VAT1L: variants seen among roughly 807,000 people sequenced by gnomAD.
VAT1L encodes putative NADPH-dependent quinone oxidoreductase VAT1L.
A neutral mutation model predicts 44.1 loss-of-function variants in VAT1L; 34 were observed. That is an observed-to-expected ratio of 0.77 (90% CI 0.59 to 1.03). The LOEUF is 1.03. Among genes scored for constraint, VAT1L ranks in the 50% least tolerant of loss-of-function variants. The pLI is 0.00. For synonymous variants in VAT1L, 253 were observed against 202.2 expected (o/e 1.25, Z -2.13); for missense variants, 615 against 538.8 (o/e 1.14, Z -1.40).
chr16:77,936,775 A>G (rs942814069), intron 7 of VAT1L, among the ~76,000 whole-genome samples: 8 of 152,180 alleles, frequency 5.3e-5, no homozygotes, highest in Non-Finnish European at 1.0e-4. Context: ...GAGGAGAGGA[A>G]GGAGAGGGAG....
chr16:77,892,993 C>T (rs539627349), intron 7 of VAT1L: 45 of 658,212 alleles, frequency 6.8e-5, no homozygotes, highest in Middle Eastern at 4.4e-4. Flanking sequence ...ATCCCATTTG[C>T]TCGCAGTATC....
chr16:77,864,097 C>G (rs2016944528), intron 4 of VAT1L, among the ~76,000 whole-genome samples: 1 of 152,060 alleles, frequency 6.6e-6, no homozygotes, highest in Non-Finnish European at 1.5e-5. Flanking sequence ...AGATGGAAAC[C>G]CAGCTGCCAT....
At chr16:77,794,131 A>G (rs976846205) in intron 1 of VAT1L, among the ~76,000 whole-genome samples, 4 of 152,208 alleles carry the variant, frequency 2.6e-5, no homozygotes, top group African/African-American at 9.6e-5. Flanking sequence ...CATAAAAGAG[A>G]AAGAGACAGA....
intron 1 of VAT1L, chr16:77,800,890 G>GCGATCT (rs2016036065): frequency 1.3e-5 from 2 of 152,136 alleles, no homozygotes; most frequent in Admixed American, 1.3e-4. Flanking sequence ...GCCCACTGGT[G>GCGATCT]CGATCTCGGT....
chr16:77,924,880 A>G (rs2017649537), intron 7 of VAT1L, among the ~76,000 whole-genome samples: 1 of 152,202 alleles, frequency 6.6e-6, no homozygotes, highest in South Asian at 2.1e-4. Flanking sequence ...CCCTGGGTAG[A>G]GAGATAGCCA....
intron 3 of VAT1L, among the ~76,000 whole-genome samples, chr16:77,830,259 T>G (rs1265852346): frequency 6.6e-6 from 1 of 152,226 alleles, no homozygotes; most frequent in African/African-American, 2.4e-5. Flanking sequence ...TTTCATATGC[T>G]GTTTTTTTCT....
intron 4 of VAT1L, among the ~76,000 whole-genome samples, chr16:77,869,108 G>A (rs1286535551): frequency 6.6e-6 from 1 of 152,146 alleles, no homozygotes; most frequent in Non-Finnish European, 1.5e-5. Flanking sequence ...TGAGAGAAGA[G>A]ATCTCCAAAA....
intron 1 of VAT1L, among the ~76,000 whole-genome samples, chr16:77,792,680 C>G (rs2015855866): frequency 6.6e-6 from 1 of 152,154 alleles, no homozygotes; most frequent in African/African-American, 2.4e-5. Context: ...GAGCATCCAA[C>G]ACTTCCAGCA....
chr16:77,909,688 C>G (rs892211247), intron 7 of VAT1L, among the ~76,000 whole-genome samples: 1 of 150,830 alleles, frequency 6.6e-6, no homozygotes, highest in African/African-American at 2.4e-5. Context: ...GTGCTGAGCA[C>G]TCTGCCTGTA....
rs56055464 is a variant in VAT1L, at chr16:77,945,278, C to CTTTTTTTTTTTTTTTTTTTTTTTTT, written c.1078-26556_1078-26555insTTTTTTTTTTTTTTTTTTTTTTTTT. On this transcript the variant is annotated intron_variant, in intron 7 of 8. Coordinates refer to ENST00000302536, the MANE Select transcript of VAT1L (RefSeq NM_020927.3). ...GAATGGCCAATTCCAGATTGCAGAA[C>CTTTTTTTTTTTTTTTTTTTTTTTTT]TTTTTTTTTTTTTTTTGAGAGAGAG... Among the ~76,000 whole-genome samples, 2 of 83,030 alleles carry CTTTTTTTTTTTTTTTTTTTTTTTTT rather than the reference C, an allele frequency of 2.4e-5. 1 individual carries two copies. Among genetic ancestry groups the CTTTTTTTTTTTTTTTTTTTTTTTTT allele is most frequent in the Non-Finnish European group, 4.4e-5 (2 of 45,744 alleles). The allele number at this position is 83,030 out of a possible 152,430, so 54.5% of individuals were successfully genotyped here. A position where few individuals can be genotyped will look rare whatever the true frequency, so the allele number is the denominator to read the frequency against.
chr16:77,944,967 G>A (rs2017941784), intron 7 of VAT1L, among the ~76,000 whole-genome samples: 1 of 152,096 alleles, frequency 6.6e-6, no homozygotes, highest in Non-Finnish European at 1.5e-5. Flanking sequence ...CTTCATCCAT[G>A]GGATAATTTC....
intron 3 of VAT1L, among the ~76,000 whole-genome samples, chr16:77,851,543 T>C (rs1055761101): frequency 6.6e-6 from 1 of 152,050 alleles, no homozygotes; most frequent in African/African-American, 2.4e-5. Flanking sequence ...GTTCCAGCTA[T>C]ATGAGAGGCT....
Position 77,920,422 on chromosome 16 carries a change from C to T in VAT1L, c.1077+35620C>T, listed in dbSNP as rs140084542. ...CCAAAATGCCCTCTCAAGGACTCAG[C>T]GACACATAGCTGCCATTTTTAGTAG... On this transcript the variant is annotated intron_variant, in intron 7 of 8. Transcript: ENST00000302536. Among the ~76,000 whole-genome samples the T allele has an allele frequency of 3.1e-3, 466 of 152,212 alleles. 1 individual carries two copies. The highest frequency in any genetic ancestry group is 0.014 in the South Asian group (67 of 4,820).
intron 1 of VAT1L, among the ~76,000 whole-genome samples, chr16:77,804,294 G>A (rs975432464): frequency 1.3e-5 from 2 of 152,198 alleles, no homozygotes; most frequent in Non-Finnish European, 2.9e-5. Context: ...GTCCCGAGGA[G>A]GGGCTGAGAG....
chr16:77,901,707 C>T (rs1406596030), intron 7 of VAT1L, among the ~76,000 whole-genome samples: 2 of 152,114 alleles, frequency 1.3e-5, no homozygotes, highest in African/African-American at 4.8e-5. Flanking sequence ...CACTTGGCAT[C>T]AGATCTCTCT....
chr16:77,789,275 T>C (rs2145198920), intron 1 of VAT1L, among the ~76,000 whole-genome samples: 1 of 152,264 alleles, frequency 6.6e-6, no homozygotes, highest in African/African-American at 2.4e-5. Context: ...AATATATGTA[T>C]TAAGAACCGC....
At chr16:77,800,322 A>G (rs532580350) in intron 1 of VAT1L, 2 of 152,328 alleles carry the variant, frequency 1.3e-5, no homozygotes, top group African/African-American at 2.4e-5. Context: ...AGAACCTGCC[A>G]TGCAGGCCCA....
At chr16:77,909,457 T>C (rs549393485) in intron 7 of VAT1L, among the ~76,000 whole-genome samples, 9 of 151,846 alleles carry the variant, frequency 5.9e-5, no homozygotes, top group Non-Finnish European at 1.3e-4. Flanking sequence ...GCCAACATGG[T>C]GAAACCCTGT....
chr16:77,820,363 G>T (rs965182363), intron 2 of VAT1L, among the ~76,000 whole-genome samples: 5 of 152,172 alleles, frequency 3.3e-5, no homozygotes, highest in African/African-American at 1.2e-4. Context: ...AACCAGTGCT[G>T]CTTTAGAATC....
Sources: gnomAD v4.1 joint callset for allele counts (sites outside exome capture counted in the v4.1 genomes callset) on GRCh38, gnomAD v4.1.1 for gene constraint, MANE v1.5 for transcripts, NCBI Gene and HGNC (gene_info 2026-07-23, HGNC 2026-07-21) for gene names.